The following SLC5A10 variants were observed in gnomAD, a reference collection of about 807,000 sequenced individuals.
The protein encoded by SLC5A10 is sodium/mannose cotransporter SLC5A10.
Under a neutral mutation model 68.9 loss-of-function variants are expected in SLC5A10, and 55 were observed. The ratio of observed to expected loss-of-function variants is 0.80; its 90% confidence interval spans 0.64 to 1.00. The LOEUF is 1.00. Ranked by LOEUF, SLC5A10 falls within the 50% of genes least tolerant of loss-of-function variation. SLC5A10 has a pLI of 0.00. For missense variants in SLC5A10, 732 were observed against 819.3 expected (o/e 0.89, Z 1.30); for synonymous variants, 344 against 344.8 (o/e 1.00, Z 0.02).
At position 18,996,427 on chromosome 17, in the gene SLC5A10, T is replaced by C. The variant is rs548399712; in HGVS notation, c.983-16983T>C. Among the ~76,000 whole-genome samples, 7 of 151,984 alleles carry C rather than the reference T, an allele frequency of 4.6e-5. No homozygotes were observed. Among genetic ancestry groups the C allele is most frequent in the African/African-American group, 1.7e-4 (7 of 41,430 alleles). On this transcript the variant is annotated intron_variant, in intron 9 of 14. Coordinates refer to ENST00000395645, the MANE Select transcript of SLC5A10 (RefSeq NM_001042450.4). This position sits in a 1 kb window ranked among gnomAD's most constrained non-coding sequence, Gnocchi z 4.4. Reference sequence around the variant, plus strand: ...TGCCATCTGAAGAGGCCCAAGAAGGTTCTCTGGGTTAGGAAGTTCTCCTAG... The same window carrying C: ...TGCCATCTGAAGAGGCCCAAGAAGGCTCTCTGGGTTAGGAAGTTCTCCTAG...
At chr17:18,978,916 A>C in intron 9 of SLC5A10, 2 of 1,564,130 alleles carry the variant, frequency 1.3e-6, no homozygotes, top group Non-Finnish European at 8.7e-7. Flanking sequence ...GCCCCCGTGC[A>C]CCCATAGCCG....
chr17:18,960,210 C>T (rs1271391535), intron 4 of SLC5A10, among the ~76,000 whole-genome samples: 1 of 152,218 alleles, frequency 6.6e-6, no homozygotes, highest in Non-Finnish European at 1.5e-5. Flanking sequence ...CATCCAGCCT[C>T]ATCATAGTGC....
chr17:18,955,470 G>A (rs943395660), intron 1 of SLC5A10, among the ~76,000 whole-genome samples: 1 of 152,232 alleles, frequency 6.6e-6, no homozygotes, highest in African/African-American at 2.4e-5. Flanking sequence ...GGGGGCCTTC[G>A]GGGAACCTTA....
chr17:19,008,734 C>T (rs1239401253), intron 9 of SLC5A10, among the ~76,000 whole-genome samples: 1 of 151,932 alleles, frequency 6.6e-6, no homozygotes, highest in African/African-American at 2.4e-5. Flanking sequence ...CTCCTGACCT[C>T]GTGATCTGCC....
chr17:18,968,468 A>G lies in SLC5A10; in HGVS notation c.454-584A>G, dbSNP rs2042755683. Among the ~76,000 whole-genome samples, 1 of 152,180 alleles carries G rather than the reference A, an allele frequency of 6.6e-6. No individual in the cohort carries two copies. The highest frequency in any genetic ancestry group is 1.5e-5 in the Non-Finnish European group (1 of 68,020). On this transcript the variant is annotated intron_variant, in intron 5 of 14. Coordinates refer to ENST00000395645, the MANE Select transcript of SLC5A10 (RefSeq NM_001042450.4). The surrounding 1 kb of genome is among the most constrained non-coding windows in gnomAD (Gnocchi z 4.1). ...TCCTGCCTTTAGGAGGAGCAGCCAC[A>G]GGTTCTGGGAGGGCAGGGGCTGTGT...
At chr17:18,977,432 C>T (rs1023815166) in intron 9 of SLC5A10, 2 of 787,156 alleles carry the variant, frequency 2.5e-6, no homozygotes, top group South Asian at 1.8e-5. Context: ...CGGTTCCCAC[C>T]CCTGCCTGTT....
chr17:18,962,405 A>G (rs2042628870), intron 5 of SLC5A10, among the ~76,000 whole-genome samples: 1 of 152,168 alleles, frequency 6.6e-6, no homozygotes, highest in Non-Finnish European at 1.5e-5. Context: ...TCACTAAGTC[A>G]GACACTTCTG....
chr17:19,006,877 T>C (rs2043903484), intron 9 of SLC5A10, among the ~76,000 whole-genome samples: 1 of 152,252 alleles, frequency 6.6e-6, no homozygotes. Flanking sequence ...GTGCTTTTCA[T>C]TGCTGACTAG....
At chr17:18,951,884 T>G, upstream of SLC5A10, 1 of 318,434 alleles carries the variant, frequency 3.1e-6, no homozygotes. Context: ...CTGGGACTAT[T>G]TGGGCTGCCT....
At chr17:18,995,887 AAC>A (rs1261686910) in intron 9 of SLC5A10, among the ~76,000 whole-genome samples, 4 of 151,590 alleles carry the variant, frequency 2.6e-5, no homozygotes, top group African/African-American at 9.7e-5. Flanking sequence ...CAGCCTGGGC[AAC>A]AGAGTAAGAC....
At chr17:18,962,832 C>T (rs1382941674) in intron 5 of SLC5A10, among the ~76,000 whole-genome samples, 2 of 152,102 alleles carry the variant, frequency 1.3e-5, no homozygotes, top group Non-Finnish European at 1.5e-5. Context: ...GGGTTCTCTG[C>T]CCCCTGTTTC....
chr17:18,961,848 T>C (rs1680427776), intron 5 of SLC5A10, among the ~76,000 whole-genome samples: 2 of 152,158 alleles, frequency 1.3e-5, no homozygotes, highest in Admixed American at 6.5e-5. Flanking sequence ...GCACTGGTGT[T>C]GCTAGGTGAC....
chr17:18,980,691 C>T (rs752045482), intron 9 of SLC5A10, among the ~76,000 whole-genome samples: 2 of 152,138 alleles, frequency 1.3e-5, no homozygotes, highest in Non-Finnish European at 1.5e-5. Context: ...GCGAGCCTGG[C>T]TGGAACCCAA....
rs1213958092 is a variant in SLC5A10, at chr17:19,000,311, G to C, written c.983-13099G>C. On this transcript the variant is annotated intron_variant, in intron 9 of 14. Coordinates refer to ENST00000395645, the MANE Select transcript of SLC5A10 (RefSeq NM_001042450.4). This position sits in a 1 kb window ranked among gnomAD's most constrained non-coding sequence, Gnocchi z 5.2. ...CAGGGGAGTCTAGGATCACAGGGCA[G>C]CAAGGTGTCAGGGCTGAAGGGGCCC... Among the ~76,000 whole-genome samples the C allele has an allele frequency of 1.3e-5, 2 of 152,210 alleles. No homozygotes were observed. The highest frequency in any genetic ancestry group is 2.4e-5 in the African/African-American group (1 of 41,448).
In SLC5A10 at chr17:19,022,489, G is replaced by A; in HGVS notation, c.*2058G>A. On this transcript the variant is annotated 3_prime_UTR_variant, in exon 15 of 15. Transcript: ENST00000395645. ...CTTGGGATCTTATTTACCCGACTCT[G>A]CAGCAGCCATGGTAGCTTTTGACTC... is the stretch of plus-strand genomic sequence containing the variant. 4.0e-6 allele frequency: 1 copy of A among 253,086 alleles called. No individual in the cohort carries two copies. Among genetic ancestry groups the A allele is most frequent in the Non-Finnish European group, 7.5e-6 (1 of 133,532 alleles). The allele number at this position is 253,086 out of a possible 1,614,324, so 15.7% of individuals were successfully genotyped here.
chr17:19,021,828 A>T lies in SLC5A10; in HGVS notation c.*1397A>T. 1 of 924,824 alleles carries T rather than the reference A, an allele frequency of 1.1e-6. No individual in the cohort carries two copies. Among genetic ancestry groups the T allele is most frequent in the Non-Finnish European group, 1.5e-6 (1 of 688,758 alleles). 57.3% of individuals were successfully genotyped at this position (924,824 alleles called of 1,614,324 possible). The stretch of plus-strand genomic sequence containing the variant: ...TTGTGCAGAGCGGCCGGAGGCAGTT[A>T]GGAGCCCACGTTCAGTCCAAGGCCG... On this transcript the variant is annotated 3_prime_UTR_variant, in exon 15 of 15. Transcript: ENST00000395645. The surrounding 1 kb of genome is among the most constrained non-coding windows in gnomAD (Gnocchi z 4.1).
intron 8 of SLC5A10, among the ~76,000 whole-genome samples, chr17:18,972,972 C>T (rs1207187107): frequency 6.6e-6 from 1 of 152,228 alleles, no homozygotes; most frequent in Non-Finnish European, 1.5e-5. Flanking sequence ...CAAGCAGGGC[C>T]CCTCATGCTC....
chr17:18,964,033 T>C (rs1269460648), intron 5 of SLC5A10, among the ~76,000 whole-genome samples: 3 of 152,236 alleles, frequency 2.0e-5, no homozygotes, highest in Non-Finnish European at 4.4e-5. Context: ...CTGTGGCCTC[T>C]GCCTGGAACC....
At chr17:18,958,994 A>G (rs570382583) in intron 2 of SLC5A10, 141 bp from the exon 3 acceptor site, 1 of 835,988 alleles carries the variant, frequency 1.2e-6, no homozygotes, top group Non-Finnish European at 1.9e-6. Context: ...CATGGGTAGA[A>G]CACACACCCT....
Sources: gnomAD v4.1 joint callset for allele counts (sites outside exome capture counted in the v4.1 genomes callset) on GRCh38, gnomAD v4.1.1 for gene constraint, Gnocchi (gnomAD v3.1) non-coding constraint, MANE v1.5 for transcripts, NCBI Gene and HGNC (gene_info 2026-07-23, HGNC 2026-07-21) for gene names.